The following DGKB variants were observed in gnomAD, a reference collection of about 807,000 sequenced individuals.
DGKB encodes the protein diacylglycerol kinase beta.
A neutral mutation model predicts 114.3 loss-of-function variants in DGKB; 67 were observed. That is an observed-to-expected ratio of 0.59 (90% CI 0.48 to 0.72). DGKB has a LOEUF of 0.72. Ranked by LOEUF, DGKB falls within the 30% of genes least tolerant of loss-of-function variation. The pLI is 0.00. For synonymous variants in DGKB, 398 were observed against 323.1 expected (o/e 1.23, Z -2.49); for missense variants, 907 against 975.2 (o/e 0.93, Z 0.93).
chr7:14,484,506 C>A (rs1259573324), intron 20 of DGKB, among the ~76,000 whole-genome samples: 1 of 152,158 alleles, frequency 6.6e-6, no homozygotes, highest in Admixed American at 6.6e-5. Context: ...GGCATCTCCC[C>A]CCACCTCTTG....
At chr7:14,789,296 A>C (rs1840331513) in intron 2 of DGKB, among the ~76,000 whole-genome samples, 1 of 152,160 alleles carries the variant, frequency 6.6e-6, no homozygotes, top group African/African-American at 2.4e-5. Flanking sequence ...TTTAGTAATC[A>C]TACACAATTC....
intron 23 of DGKB, among the ~76,000 whole-genome samples, chr7:14,236,882 C>CT (rs548294363): frequency 1.6e-4 from 24 of 149,388 alleles, no homozygotes; most frequent in East Asian, 1.2e-3. Flanking sequence ...ACATTAAGCA[C>CT]TTTTTTTTTT....
intron 13 of DGKB, among the ~76,000 whole-genome samples, chr7:14,639,690 A>AACATT (rs1811382861): frequency 6.6e-6 from 1 of 152,238 alleles, no homozygotes; most frequent in African/African-American, 2.4e-5. Context: ...CACTATGATC[A>AACATT]ACATTCTTGC....
chr7:14,289,353 T>C (rs1801377234), intron 23 of DGKB, among the ~76,000 whole-genome samples: 1 of 152,100 alleles, frequency 6.6e-6, no homozygotes, highest in African/African-American at 2.4e-5. Context: ...AGTAAAATGC[T>C]TAAAACCTAA....
intron 23 of DGKB, among the ~76,000 whole-genome samples, chr7:14,202,143 G>A (rs1443415995): frequency 6.6e-6 from 1 of 151,938 alleles, no homozygotes; most frequent in Admixed American, 6.6e-5. Context: ...ATCTAGCTCT[G>A]TTTAGTTTCC....
At chr7:14,915,758 C>T (rs548647895) in intron 1 of DGKB, among the ~76,000 whole-genome samples, 2 of 152,074 alleles carry the variant, frequency 1.3e-5, no homozygotes, top group East Asian at 3.9e-4. Flanking sequence ...AAGACTGTCT[C>T]AGAAAACAAA....
chr7:14,810,897 C>T (rs192126725), intron 2 of DGKB, among the ~76,000 whole-genome samples: 147 of 152,276 alleles, frequency 9.7e-4, no homozygotes, highest in Non-Finnish European at 1.4e-3. Flanking sequence ...GTGTGAGTCA[C>T]GGCGCCCGGC....
chr7:14,889,697 A>T, intron 1 of DGKB, among the ~76,000 whole-genome samples: 1 of 151,630 alleles, frequency 6.6e-6, no homozygotes, highest in East Asian at 1.9e-4. Flanking sequence ...TCAATCTCTA[A>T]GCAATCTAAA....
intron 21 of DGKB, among the ~76,000 whole-genome samples, chr7:14,393,503 TA>T (rs1364241203): frequency 6.6e-6 from 1 of 152,212 alleles, no homozygotes; most frequent in Non-Finnish European, 1.5e-5. Flanking sequence ...TTTGATGTAA[TA>T]ATCTACATAA....
intron 21 of DGKB, among the ~76,000 whole-genome samples, chr7:14,400,873 G>C (rs1583658062): frequency 6.6e-6 from 1 of 151,852 alleles, no homozygotes; most frequent in African/African-American, 2.4e-5. Context: ...TGAAAACATA[G>C]TCAAGTTTAA....
intron 4 of DGKB, among the ~76,000 whole-genome samples, chr7:14,744,218 C>CT (rs1245911565): frequency 1.3e-5 from 2 of 152,178 alleles, no homozygotes; most frequent in African/African-American, 4.8e-5. Flanking sequence ...AATTTGGAAA[C>CT]TATCTGTGAG....
intron 8 of DGKB, among the ~76,000 whole-genome samples, chr7:14,694,657 G>A (rs1823494226): frequency 6.6e-6 from 1 of 152,122 alleles, no homozygotes; most frequent in Non-Finnish European, 1.5e-5. Flanking sequence ...AGAAGTTAAA[G>A]GATCAAATCA....
chr7:14,852,487 C>CAAAAAAAAAAAA lies in DGKB; in HGVS notation c.-187-11038_-187-11037insTTTTTTTTTTTT. On this transcript the variant is annotated intron_variant, in intron 1 of 25. Coordinates refer to ENST00000402815, the MANE Select transcript of DGKB (RefSeq NM_001350709.2). Reference sequence around the variant, plus strand: ...GAGGAATAGCTAAAATAGTGAAAGTCAAAAAAAAAACAGAAATCAAGCATA... The same window carrying CAAAAAAAAAAAA: ...GAGGAATAGCTAAAATAGTGAAAGTCAAAAAAAAAAAAAAAAAAAAAACAGAAATCAAGCATA... Among the ~76,000 whole-genome samples, 3 of 63,634 alleles carry CAAAAAAAAAAAA rather than the reference C, an allele frequency of 4.7e-5. 1 individual carries two copies. Among genetic ancestry groups the CAAAAAAAAAAAA allele is most frequent in the African/African-American group, 1.3e-4 (2 of 14,826 alleles). 41.7% of individuals were successfully genotyped at this position (63,634 alleles called of 152,430 possible).
At chr7:14,697,658 A>G (rs1398271727) in intron 8 of DGKB, among the ~76,000 whole-genome samples, 1 of 148,418 alleles carries the variant, frequency 6.7e-6, no homozygotes, top group Admixed American at 6.6e-5. Context: ...AGACAAGAGA[A>G]AAAAAAAGAA....
chr7:14,514,135 C>A (rs1486602337), intron 20 of DGKB, among the ~76,000 whole-genome samples: 1 of 152,024 alleles, frequency 6.6e-6, no homozygotes, highest in Non-Finnish European at 1.5e-5. Flanking sequence ...CCACTTAAAT[C>A]ACAAGGCTTT....
intron 21 of DGKB, among the ~76,000 whole-genome samples, chr7:14,365,968 A>T (rs533071816): frequency 6.6e-6 from 1 of 152,212 alleles, no homozygotes; most frequent in African/African-American, 2.4e-5. Context: ...CACATGATAT[A>T]TATGTGCAGA....
intron 2 of DGKB, among the ~76,000 whole-genome samples, chr7:14,831,295 T>C (rs1487690810): frequency 2.0e-5 from 3 of 152,036 alleles, no homozygotes; most frequent in Admixed American, 2.0e-4. Context: ...ATGATGCTAA[T>C]GGCTACTATA....
At chr7:14,919,589 C>G (rs553045307) in intron 1 of DGKB, among the ~76,000 whole-genome samples, 1 of 152,260 alleles carries the variant, frequency 6.6e-6, no homozygotes, top group Admixed American at 6.5e-5. Context: ...TTGCAAAAAA[C>G]TGAAAGCAAC....
chr7:14,897,953 A>T (rs537600101), intron 1 of DGKB, among the ~76,000 whole-genome samples: 1 of 152,148 alleles, frequency 6.6e-6, no homozygotes, highest in African/African-American at 2.4e-5. Context: ...TATATTAGAC[A>T]CTGTGTTAAG....
Sources: allele counts gnomAD v4.1 joint callset (sites outside exome capture counted in the v4.1 genomes callset), GRCh38; gene constraint gnomAD v4.1.1; transcripts MANE v1.5; gene names NCBI Gene and HGNC (gene_info 2026-07-23, HGNC 2026-07-21).